The following HOXA5 variants were observed in gnomAD, a reference collection of about 807,000 sequenced individuals.
HOXA5 encodes homeobox A5.
In HOXA5, 12 loss-of-function variants were observed where a neutral mutation model predicts 20.0. That is an observed-to-expected ratio of 0.60 (90% CI 0.38 to 0.97). The LOEUF (loss-of-function observed/expected upper bound fraction) is 0.97, where lower values mean the gene tolerates loss of function less well. HOXA5 is among the 50% of genes least tolerant of loss of function. The probability of loss-of-function intolerance (pLI) is 0.00; values close to 1 mark genes in which losing one functional copy is unlikely to be tolerated. For missense variants in HOXA5, 352 were observed against 380.3 expected, an observed-to-expected ratio of 0.93 and a Z score of 0.62; for synonymous variants, 159 against 157.7, an observed-to-expected ratio of 1.01 and a Z score of -0.06.
Position 27,143,071 on chromosome 7 carries a change from C to G in HOXA5, c.537G>C (p.Trp179Cys). 6.5e-7 allele frequency: 1 copy of G among 1,540,852 alleles called. No homozygotes were observed. ...CATGACTTATGTGCAGCTTGCGCAT[C>G]CAGGGGTAGATCTGGGGTTGGGCGG... ...APPAQPQIYPWMRKLHISHDN... is the reference protein window; with the variant it reads ...APPAQPQIYPCMRKLHISHDN... The change falls in exon 1 of 2, where the codon TGG (tryptophan) becomes TGC (cysteine). Residue 179 changes from tryptophan to cysteine, a missense_variant. Trp to Cys is a radical substitution (Grantham distance 215). This residue lies in a region of HOXA5 where 319 missense variants were observed against 336.5 expected (regional missense o/e 0.95). Coordinates refer to ENST00000222726, the MANE Select transcript of HOXA5 (RefSeq NM_019102.4).
intron 1 of HOXA5, chr7:27,142,684 C>A (rs761666901): frequency 3.2e-4 from 87 of 272,014 alleles, no homozygotes; most frequent in Non-Finnish European, 4.8e-4. Flanking sequence ...AAATTATCCG[C>A]CGTGACAAGC....
rs762654452 is a variant in HOXA5, at chr7:27,143,272, G to A, written c.336C>T (p.Ser112=). The change falls in exon 1 of 2, where the codon AGC becomes AGT. Residue 112 remains serine (S), a synonymous_variant. Coordinates refer to ENST00000222726, the MANE Select transcript of HOXA5 (RefSeq NM_019102.4). ...AGTTTTTCCCGCCGTGGTGGCTGTCGCTGCCGGGCGAGGGGGCCACGGCGG... is the reference window on the plus strand; with the variant it reads ...AGTTTTTCCCGCCGTGGTGGCTGTCACTGCCGGGCGAGGGGGCCACGGCGG... ...PCSAVAPSPG[S]DSHHGGKNSL... is the part of the protein sequence containing the mutation. The A allele has an allele frequency of 6.2e-7, 1 of 1,605,918 alleles. No homozygotes were observed. The highest frequency in any genetic ancestry group is 8.5e-7 in the Non-Finnish European group (1 of 1,178,166).
At position 27,143,111 on chromosome 7, in the gene HOXA5, G is replaced by C. The variant is rs377343707; in HGVS notation, c.497C>G (p.Pro166Arg). ...GGGTTGGGCGGGCGGCGCCGGGCTC[G>C]GCTCGCTCTGCGCACTCGCCTGCTC... ...SSEQASAQSE[P>R]SPAPPAQPQI... Residue 166 changes from proline to arginine, a missense_variant, in exon 1 of 2, where the codon CCG (proline) becomes CGG (arginine). Physicochemically the swap from Pro to Arg is moderately radical, Grantham distance 103. Around this residue, in one of 3 missense-constraint regions of HOXA5, gnomAD observed 319 missense variants for 336.5 expected, o/e 0.95. Transcript: ENST00000222726. 2.8e-5 allele frequency: 45 copies of C among 1,585,380 alleles called. No individual in the cohort carries two copies. The highest frequency in any genetic ancestry group is 3.7e-5 in the Non-Finnish European group (43 of 1,169,732).
At position 27,143,283 on chromosome 7, in the gene HOXA5, A is replaced by AG; in HGVS notation, c.324dup (p.Ser109LeufsTer80). The AG allele has an allele frequency of 6.2e-7, 1 of 1,603,932 alleles. No individual in the cohort carries two copies. Among genetic ancestry groups the AG allele is most frequent in the East Asian group, 2.2e-5 (1 of 44,658 alleles). ...CCGTGGTGGCTGTCGCTGCCGGGCGAGGGGGCCACGGCGGAGCAGGGCAGC... is the reference window on the plus strand; with the variant it reads ...CCGTGGTGGCTGTCGCTGCCGGGCGAGGGGGGCCACGGCGGAGCAGGGCAGC... On this transcript the variant is annotated frameshift_variant, in exon 1 of 2. Transcript: ENST00000222726. LOFTEE classifies it high-confidence loss of function.
At position 27,141,834 on chromosome 7, in the gene HOXA5, C is replaced by T. The variant is rs1291982091; in HGVS notation, c.*1G>A. ...GCTCAGTACTTTAAACGCTCAGATA[C>T]TCAGGGACGGAAGGCCCCTCCTGCC... On this transcript the variant is annotated 3_prime_UTR_variant, in exon 2 of 2. Coordinates refer to ENST00000222726, the MANE Select transcript of HOXA5 (RefSeq NM_019102.4). The T allele has an allele frequency of 6.2e-7, 1 of 1,613,730 alleles. No individual in the cohort carries two copies. The highest frequency in any genetic ancestry group is 1.7e-5 in the Admixed American group (1 of 60,026).
Position 27,141,603 on chromosome 7 carries a change from T to G in HOXA5, c.*232A>C. On this transcript the variant is annotated 3_prime_UTR_variant, in exon 2 of 2. Transcript: ENST00000222726. ...TGCTTCATATAAATAAGTTAAAACA[T>G]CTATTTTTTTTCAAGACAAAGCCAT... 2.4e-6 allele frequency: 1 copy of G among 413,890 alleles called. No individual in the cohort carries two copies. The highest frequency in any genetic ancestry group is 3.9e-5 in the East Asian group (1 of 25,524). The allele number at this position is 413,890 out of a possible 1,614,324, so 25.6% of individuals were successfully genotyped here. A position where few individuals can be genotyped will look rare whatever the true frequency, so the allele number is the denominator to read the frequency against.
In HOXA5 at chr7:27,142,075, G is replaced by A. The variant is rs775805363; in HGVS notation, c.573C>T (p.Gly191=). Reference sequence around the variant, plus strand: ...TCCGGGCCCTTTTGCCTTCCGGGCCGCCTATGTTGTCTGCAATAGAAAAGT... The same window carrying A: ...TCCGGGCCCTTTTGCCTTCCGGGCCACCTATGTTGTCTGCAATAGAAAAGT... ...RKLHISHDNI[G]GPEGKRARTA... Residue 191 remains glycine (G), a synonymous_variant, in exon 2 of 2, where the codon GGC becomes GGT. Coordinates refer to ENST00000222726, the MANE Select transcript of HOXA5 (RefSeq NM_019102.4). 7.4e-6 allele frequency: 12 copies of A among 1,613,186 alleles called. No individual in the cohort carries two copies. Among genetic ancestry groups the A allele is most frequent in the South Asian group, 5.5e-5 (5 of 91,076 alleles).
chr7:27,143,027 A>C lies in HOXA5; in HGVS notation c.562+19T>G. ...CGCGTCCCCGCGGTCGCGTGGATTT[A>C]GAAAAAGGCTGGCTTTACCATGACT... On this transcript the variant is annotated intron_variant, in intron 1 of 1. Transcript: ENST00000222726. 1 of 1,497,386 alleles carries C rather than the reference A, an allele frequency of 6.7e-7. No individual in the cohort carries two copies. The highest frequency in any genetic ancestry group is 8.9e-7 in the Non-Finnish European group (1 of 1,127,386). The allele number at this position is 1,497,386 out of a possible 1,614,324, so 92.8% of individuals were successfully genotyped here.
Position 27,141,891 on chromosome 7 carries a change from C to T in HOXA5, c.757G>A (p.Asp253Asn), listed in dbSNP as rs1266154517. ...FQNRRMKWKK[D>N]NKLKSMSMAA... ...ATGCTCATGCTTTTCAGCTTATTAT[C>T]TTTTTTCCACTTCATTCTCCGGTTT... Residue 253 changes from aspartate (D) to asparagine (N), a missense_variant, in exon 2 of 2, where the codon GAT (aspartate) becomes AAT (asparagine). By Grantham distance (23) the Asp-to-Asn change is conservative. This residue lies in a region of HOXA5 where 30 missense variants were observed against 26.0 expected (regional missense o/e 1.15). Coordinates refer to ENST00000222726, the MANE Select transcript of HOXA5 (RefSeq NM_019102.4). The T allele has an allele frequency of 6.2e-7, 1 of 1,614,200 alleles. No individual in the cohort carries two copies. Among genetic ancestry groups the T allele is most frequent in the Admixed American group, 1.7e-5 (1 of 60,028 alleles).
chr7:27,143,013 G>A (rs200385351), intron 1 of HOXA5, 33 bp downstream of exon 1: 1 of 1,490,580 alleles, frequency 6.7e-7, no homozygotes, highest in Non-Finnish European at 8.9e-7. Context: ...GCGTCCCCGC[G>A]GTCGCGTGGA....
chr7:27,143,506 G>A lies in HOXA5; in HGVS notation c.102C>T (p.Phe34=). The change falls in exon 1 of 2, where the codon TTC becomes TTT. Residue 34 remains phenylalanine (F), a synonymous_variant. Transcript: ENST00000222726. ...CGGAGTGCATGCTCGCCGAGTCCCT[G>A]AATTGCTCGCTCACGGAACTATGAT... is the stretch of plus-strand genomic sequence containing the variant. ...YGDHSSVSEQ[F]RDSASMHSGR... 2 of 1,613,862 alleles carry A rather than the reference G, an allele frequency of 1.2e-6. No homozygotes were observed. Among genetic ancestry groups the A allele is most frequent in the Non-Finnish European group, 1.7e-6 (2 of 1,179,930 alleles).
In HOXA5 at chr7:27,141,345, C is replaced by T. The variant is rs1782562501; in HGVS notation, c.*490G>A. 1 of 155,976 alleles carries T rather than the reference C, an allele frequency of 6.4e-6. No individual in the cohort carries two copies. The highest frequency in any genetic ancestry group is 1.4e-5 in the Non-Finnish European group (1 of 70,334). 9.7% of individuals were successfully genotyped at this position (155,976 alleles called of 1,614,324 possible). On this transcript the variant is annotated 3_prime_UTR_variant, in exon 2 of 2. Transcript: ENST00000222726. ...ACTACACGTCGAACAAGTTGTGTCT[C>T]ATCAAGTCACCTCTACAACAGCATT...
chr7:27,143,659 T>G lies in HOXA5; in HGVS notation c.-52A>C. 6.5e-7 allele frequency: 1 copy of G among 1,542,172 alleles called. No individual in the cohort carries two copies. The highest frequency in any genetic ancestry group is 8.7e-7 in the Non-Finnish European group (1 of 1,143,198). On this transcript the variant is annotated 5_prime_UTR_variant, in exon 1 of 2. Transcript: ENST00000222726. ...TGTGGCTCGCGGTCGTTTGTGCGTCTATAGCACCCTTGCACAATTTATGAT... is the reference window on the plus strand; with the variant it reads ...TGTGGCTCGCGGTCGTTTGTGCGTCGATAGCACCCTTGCACAATTTATGAT...
chr7:27,143,137 G>T lies in HOXA5; in HGVS notation c.471C>A (p.Ser157Arg). 1 of 1,608,028 alleles carries T rather than the reference G, an allele frequency of 6.2e-7. No individual in the cohort carries two copies. Among genetic ancestry groups the T allele is most frequent in the Non-Finnish European group, 8.5e-7 (1 of 1,178,144 alleles). Reference sequence around the variant, plus strand: ...GCTCGCTCTGCGCACTCGCCTGCTCGCTGCTGGCAGGGGCGTCCTCCTCGG... The same window carrying T: ...GCTCGCTCTGCGCACTCGCCTGCTCTCTGCTGGCAGGGGCGTCCTCCTCGG... ...SGAEEDAPAS[S>R]EQASAQSEPS... is the part of the protein sequence containing the mutation. Residue 157 changes from serine (S) to arginine (R), a missense_variant, in exon 1 of 2, where the codon AGC becomes AGA. Coordinates refer to ENST00000222726, the MANE Select transcript of HOXA5 (RefSeq NM_019102.4).
chr7:27,142,140 C>T, intron 1 of HOXA5, 55 bp from the exon 2 acceptor site: 1 of 1,578,958 alleles, frequency 6.3e-7, no homozygotes, highest in Non-Finnish European at 8.6e-7. Flanking sequence ...CAAAGTCCGC[C>T]AGGGGGACAA....
In HOXA5 at chr7:27,142,568, C is replaced by A. The variant is rs886759759; in HGVS notation, c.562+478G>T. On this transcript the variant is annotated intron_variant, in intron 1 of 1. Coordinates refer to ENST00000222726, the MANE Select transcript of HOXA5 (RefSeq NM_019102.4). ...CCCTTTCCTTCTCTCTCCCTCCTGC[C>A]CCCAAAATTCAGAATCCTGCAGGCT... is the stretch of plus-strand genomic sequence containing the variant. Among the ~76,000 whole-genome samples the A allele has an allele frequency of 3.3e-5, 5 of 152,322 alleles. No homozygotes were observed. The South Asian group carries it at 6.2e-4, about 19-fold the overall frequency.
rs765953050 is a variant in HOXA5, at chr7:27,143,087, G to A, written c.521C>T (p.Pro174Leu). Residue 174 changes from proline to leucine, a missense_variant, in exon 1 of 2, where the codon CCC becomes CTC. Physicochemically the swap from Pro to Leu is moderately conservative, Grantham distance 98. Transcript: ENST00000222726. ...CTTGCGCATCCAGGGGTAGATCTGGGGTTGGGCGGGCGGCGCCGGGCTCGG... is the reference window on the plus strand; with the variant it reads ...CTTGCGCATCCAGGGGTAGATCTGGAGTTGGGCGGGCGGCGCCGGGCTCGG... ...SEPSPAPPAQPQIYPWMRKLH... is the reference protein window; with the variant it reads ...SEPSPAPPAQLQIYPWMRKLH... The A allele has an allele frequency of 2.6e-6, 4 of 1,557,482 alleles. No homozygotes were observed. Among genetic ancestry groups the A allele is most frequent in the Non-Finnish European group, 8.6e-7 (1 of 1,157,574 alleles).
chr7:27,142,194 T>C, intron 1 of HOXA5, 109 bp from the exon 2 acceptor site: 1 of 1,248,630 alleles, frequency 8.0e-7, no homozygotes, highest in Non-Finnish European at 1.1e-6. Context: ...GCTCAACAAG[T>C]TCTGCCTACC....
chr7:27,142,696 C>T, intron 1 of HOXA5: 1 of 294,448 alleles, frequency 3.4e-6, no homozygotes, highest in Non-Finnish European at 6.2e-6. Flanking sequence ...GTGACAAGCC[C>T]GATTCACGGC....
Sources: gnomAD v4.1 joint callset for allele counts (sites outside exome capture counted in the v4.1 genomes callset) on GRCh38, gnomAD v4.1.1 for gene constraint, gnomAD v4.1.1 regional missense constraint, MANE v1.5 for transcripts, NCBI Gene and HGNC (gene_info 2026-07-23, HGNC 2026-07-21) for gene names.